Variants in SLF2 observed in about 807,000 individuals in gnomAD.
SLF2 encodes the protein SMC5-SMC6 complex localization factor protein 2.
In SLF2, 68 loss-of-function variants were observed where a neutral mutation model predicts 124.3. That is an observed-to-expected ratio of 0.55 (90% CI 0.45 to 0.67). SLF2 has a LOEUF of 0.67. Among genes scored for constraint, SLF2 ranks in the 30% least tolerant of loss-of-function variants. The probability of loss-of-function intolerance (pLI) is 0.00; values close to 1 mark genes in which losing one functional copy is unlikely to be tolerated. For synonymous variants in SLF2, 480 were observed against 478.8 expected, an observed-to-expected ratio of 1.00 and a Z score of -0.03; for missense variants, 1,246 against 1,373.7, an observed-to-expected ratio of 0.91 and a Z score of 1.47.
In SLF2 at chr10:100,916,030, G is replaced by C. The variant is rs781438781; in HGVS notation, c.172G>C (p.Ala58Pro). ...GTCAATTATAGATTTCTTCAAACCA[G>C]CTTCAAAACAAGGTATGTACACTGT... is the stretch of plus-strand genomic sequence containing the variant. ...KQSIIDFFKP[A>P]SKQDRHMLDS... Residue 58 changes from alanine (A) to proline (P), a missense_variant, in exon 2 of 20, where the codon GCT becomes CCT. Ala to Pro is a conservative substitution (Grantham distance 27). Around this residue, in one of 3 missense-constraint regions of SLF2, gnomAD observed 698 missense variants for 708.9 expected, o/e 0.98. Transcript: ENST00000238961. 1.9e-6 allele frequency: 3 copies of C among 1,612,044 alleles called. No individual in the cohort carries two copies. In the South Asian group the frequency reaches 3.3e-5, roughly 18 times the overall value.
Position 100,924,006 on chromosome 10 carries a change from A to G in SLF2, c.1005A>G (p.Lys335=). 1 of 1,557,740 alleles carries G rather than the reference A, an allele frequency of 6.4e-7. No homozygotes were observed. The highest frequency in any genetic ancestry group is 1.2e-5 in the South Asian group (1 of 81,292). ...AGSKQNKFPE[K]RKRNSVDSDL... ...CTAAGCAGAATAAATTCCCTGAAAA[A>G]AGAAAAAGGAACTCTGTGGACTCAG... Residue 335 remains lysine (K), a synonymous_variant, in exon 5 of 20, where the codon AAA becomes AAG. Transcript: ENST00000238961.
chr10:100,930,907 T>A (rs1849719914), intron 8 of SLF2, 69 bp from the exon 9 acceptor site: 1 of 1,142,710 alleles, frequency 8.8e-7, no homozygotes, highest in Admixed American at 1.7e-5. Context: ...GTCAGATGTG[T>A]TGGTGGTGAT....
At position 100,917,148 on chromosome 10, in the gene SLF2, G is replaced by C. The variant is rs764420815; in HGVS notation, c.763G>C (p.Glu255Gln). 1 of 1,614,100 alleles carries C rather than the reference G, an allele frequency of 6.2e-7. No homozygotes were observed. The highest frequency in any genetic ancestry group is 8.5e-7 in the Non-Finnish European group (1 of 1,180,038). Residue 255 changes from glutamate to glutamine, a missense_variant, in exon 3 of 20, where the codon GAG (glutamate) becomes CAG (glutamine). Around this residue, in one of 3 missense-constraint regions of SLF2, gnomAD observed 698 missense variants for 708.9 expected, o/e 0.98. Coordinates refer to ENST00000238961, the MANE Select transcript of SLF2 (RefSeq NM_018121.4). ...ACGAGAACTAAAGAGGTTGAGAAAGGAGCAAATGGAGCAGAGAATCAACTC... is the reference window on the plus strand; with the variant it reads ...ACGAGAACTAAAGAGGTTGAGAAAGCAGCAAATGGAGCAGAGAATCAACTC... Reference protein sequence around the residue: ...RERELKRLRKEQMEQRINSEN... With the variant: ...RERELKRLRKQQMEQRINSEN...
Position 100,924,077 on chromosome 10 carries a change from C to A in SLF2, c.1076C>A (p.Ser359Tyr), listed in dbSNP as rs1331756669. The A allele has an allele frequency of 1.2e-6, 2 of 1,612,700 alleles. No individual in the cohort carries two copies. Among genetic ancestry groups the A allele is most frequent in the Admixed American group, 1.7e-5 (1 of 59,528 alleles). The stretch of plus-strand genomic sequence containing the variant: ...TCTATGATACCAAAAGCAAGAGAGT[C>A]CTTCCTTGAGAAGCGTCCTGATGGA... ...RESMIPKARESFLEKRPDGPH... is the reference protein window; with the variant it reads ...RESMIPKAREYFLEKRPDGPH... The change falls in exon 5 of 20, where the codon TCC becomes TAC. Residue 359 changes from serine to tyrosine, a missense_variant. Ser to Tyr is a moderately radical substitution (Grantham distance 144). Transcript: ENST00000238961.
At chr10:100,941,187 T>G (rs755875019) in intron 11 of SLF2, among the ~76,000 whole-genome samples, 1 of 152,122 alleles carries the variant, frequency 6.6e-6, no homozygotes, top group Non-Finnish European at 1.5e-5. Flanking sequence ...CCATTTTTGC[T>G]GGTGTGTATA....
In SLF2 at chr10:100,947,002, T is replaced by G. The variant is rs1473877143; in HGVS notation, c.2935-37T>G. Reference sequence around the variant, plus strand: ...TGTTGGGTGTTTTATTCTACTGTTCTGTTTGAAAAGAAATCTTACATGTTC... The same window carrying G: ...TGTTGGGTGTTTTATTCTACTGTTCGGTTTGAAAAGAAATCTTACATGTTC... On this transcript the variant is annotated intron_variant, in intron 13 of 19. Coordinates refer to ENST00000238961, the MANE Select transcript of SLF2 (RefSeq NM_018121.4). 7 of 1,516,188 alleles carry G rather than the reference T, an allele frequency of 4.6e-6. No homozygotes were observed. The East Asian group carries it at 1.6e-4, about 34-fold the overall frequency. 93.9% of individuals were successfully genotyped at this position (1,516,188 alleles called of 1,614,324 possible).
intron 9 of SLF2, among the ~76,000 whole-genome samples, chr10:100,934,595 T>C (rs919153913): frequency 2.6e-5 from 4 of 151,918 alleles, no homozygotes; most frequent in African/African-American, 9.7e-5. Flanking sequence ...CATTTTTATT[T>C]TATTTTATTT....
chr10:100,915,687 G>A (rs116430386), intron 1 of SLF2, among the ~76,000 whole-genome samples: 158 of 152,236 alleles, frequency 1.0e-3, no homozygotes, highest in African/African-American at 3.5e-3. Context: ...CCATGTAGCC[G>A]TGAACATTTC....
rs147132029 is a variant in SLF2, at chr10:100,917,065, C to T, written c.680C>T (p.Pro227Leu). Reference sequence around the variant, plus strand: ...AGGAGCAGCCTGTCCAGGCACCACCCGGAAGAAAGCCCACTGGGAGCTAAA... The same window carrying T: ...AGGAGCAGCCTGTCCAGGCACCACCTGGAAGAAAGCCCACTGGGAGCTAAA... ...SSRSSLSRHH[P>L]EESPLGAKFQ... The change falls in exon 3 of 20, where the codon CCG becomes CTG. Residue 227 changes from proline to leucine, a missense_variant. Physicochemically the swap from Pro to Leu is moderately conservative, Grantham distance 98 (BLOSUM62 -3). Coordinates refer to ENST00000238961, the MANE Select transcript of SLF2 (RefSeq NM_018121.4). 1.3e-4 allele frequency: 214 copies of T among 1,614,036 alleles called. No homozygotes were observed. Among genetic ancestry groups the T allele is most frequent in the Non-Finnish European group, 1.6e-4 (188 of 1,180,030 alleles).
chr10:100,928,908 G>T (rs752720271), intron 6 of SLF2, among the ~76,000 whole-genome samples: 1 of 152,176 alleles, frequency 6.6e-6, no homozygotes, highest in Non-Finnish European at 1.5e-5. Context: ...AACTTATCAG[G>T]TTGTTGGGCA....
At chr10:100,944,299 TC>T (rs1240688883) in intron 12 of SLF2, among the ~76,000 whole-genome samples, 171 bp downstream of exon 12, 1 of 151,758 alleles carries the variant, frequency 6.6e-6, no homozygotes, top group Non-Finnish European at 1.5e-5. Flanking sequence ...ATCGAGACCA[TC>T]CTGGCTAACA....
intron 17 of SLF2, among the ~76,000 whole-genome samples, chr10:100,952,258 T>G (rs1850230922): frequency 7.2e-6 from 1 of 138,852 alleles, no homozygotes; most frequent in African/African-American, 2.8e-5. Context: ...AAAAAAACCT[T>G]AGGCTGGACG....
chr10:100,953,518 G>A (rs1850263751), intron 17 of SLF2, among the ~76,000 whole-genome samples: 1 of 150,684 alleles, frequency 6.6e-6, no homozygotes, highest in African/African-American at 2.4e-5. Flanking sequence ...AAACCTGAAA[G>A]ACTCCTACAA....
intron 9 of SLF2, among the ~76,000 whole-genome samples, chr10:100,935,251 C>T (rs1376520478): frequency 4.0e-5 from 6 of 151,886 alleles, no homozygotes; most frequent in Admixed American, 1.3e-4. Flanking sequence ...AAAAATTATC[C>T]GGGCATGGTG....
chr10:100,937,548 T>TTAGCAATGTGAAA, intron 10 of SLF2, 71 bp downstream of exon 10: 4 of 921,218 alleles, frequency 4.3e-6, no homozygotes, highest in Non-Finnish European at 7.1e-6. Flanking sequence ...TCTTTCACAT[T>TTAGCAATGTGAAA]GCTAAATGTT....
At chr10:100,916,290 C>G (rs1382647495) in intron 2 of SLF2, among the ~76,000 whole-genome samples, 1 of 152,016 alleles carries the variant, frequency 6.6e-6, no homozygotes, top group Admixed American at 6.6e-5. Flanking sequence ...ATAATACATA[C>G]TATTTTGATT....
At chr10:100,952,388 A>G (rs1362290313) in intron 17 of SLF2, among the ~76,000 whole-genome samples, 3 of 148,050 alleles carry the variant, frequency 2.0e-5, no homozygotes, top group Non-Finnish European at 3.0e-5. Flanking sequence ...CTAAAAATAC[A>G]AAAAAAAAAT....
chr10:100,948,648 C>T (rs923460414), intron 15 of SLF2, among the ~76,000 whole-genome samples: 5 of 151,966 alleles, frequency 3.3e-5, no homozygotes, highest in African/African-American at 4.8e-5. Flanking sequence ...TTTAGGAGGC[C>T]GGGGCAGGTG....
At chr10:100,942,225 A>G (rs908451806) in intron 11 of SLF2, among the ~76,000 whole-genome samples, 8 of 152,118 alleles carry the variant, frequency 5.3e-5, no homozygotes, top group African/African-American at 1.9e-4. Flanking sequence ...CAAGACTGCC[A>G]CCACTTCATA....
Sources: allele counts gnomAD v4.1 joint callset (sites outside exome capture counted in the v4.1 genomes callset), GRCh38; gene constraint gnomAD v4.1.1; regional missense constraint gnomAD v4.1.1; transcripts MANE v1.5; gene names NCBI Gene and HGNC (gene_info 2026-07-23, HGNC 2026-07-21).